Variants in ZFHX2 observed in about 807,000 individuals in gnomAD.
ZFHX2 encodes zinc finger homeobox 2.
ZFHX2 carries 75 observed loss-of-function variants against 164.8 expected under a neutral mutation model. The ratio of observed to expected loss-of-function variants is 0.46; its 90% CI spans 0.38 to 0.55. The LOEUF is 0.55. Among genes scored for constraint, ZFHX2 ranks in the 20% least tolerant of loss-of-function variants. The probability of loss-of-function intolerance (pLI) is 0.00; values close to 1 mark genes in which losing one functional copy is unlikely to be tolerated. For synonymous variants in ZFHX2, 1,217 were observed against 1,351.4 expected, an observed-to-expected ratio of 0.90 and a Z score of 2.18; for missense variants, 2,933 against 3,308.0, an observed-to-expected ratio of 0.89 and a Z score of 2.78.
chr14:23,526,756 G>A, intron 8 of ZFHX2, 77 bp from the exon 9 acceptor site: 2 of 1,531,928 alleles, frequency 1.3e-6, no homozygotes, highest in South Asian at 1.2e-5. Flanking sequence ...TACCAAGGCA[G>A]TTGACCTTGG....
rs1434970482 is a variant in ZFHX2, at chr14:23,541,299, T to C, written c.-49-5925A>G. Among the ~76,000 whole-genome samples the C allele has an allele frequency of 2.0e-5, 3 of 151,598 alleles. No individual in the cohort carries two copies. The East Asian group carries it at 5.8e-4, about 29-fold the overall frequency. On this transcript the variant is annotated intron_variant, in intron 1 of 9. Transcript: ENST00000419474. ...TTAGATGGACAGGATTTTTTTTTTTTTTTTTTGAGACGGAGTTTCGCTCTT... is the reference window on the plus strand; with the variant it reads ...TTAGATGGACAGGATTTTTTTTTTTCTTTTTTGAGACGGAGTTTCGCTCTT...
At chr14:23,548,411 T>C (rs1289901030) in intron 1 of ZFHX2, 2 of 152,140 alleles carry the variant, frequency 1.3e-5, no homozygotes, top group Non-Finnish European at 2.9e-5. Flanking sequence ...CCCTGGCCCG[T>C]AGGTGATACA....
Position 23,526,538 on chromosome 14 carries a change from G to A in ZFHX2, c.3404C>T (p.Ala1135Val), listed in dbSNP as rs1208014468. The A allele has an allele frequency of 2.0e-6, 3 of 1,535,830 alleles. No homozygotes were observed. Among genetic ancestry groups the A allele is most frequent in the East Asian group, 2.4e-5 (1 of 40,856 alleles). Residue 1135 changes from alanine to valine, a missense_variant, in exon 9 of 10, where the codon GCC becomes GTC. Ala to Val is a moderately conservative substitution (Grantham distance 64). Coordinates refer to ENST00000419474, the MANE Select transcript of ZFHX2 (RefSeq NM_033400.3). Reference sequence around the variant, plus strand: ...CGGAGGAGCTACGTCTTCAGCTTGGGCATCAGGTTCAGGGACTGGAGATGG... The same window carrying A: ...CGGAGGAGCTACGTCTTCAGCTTGGACATCAGGTTCAGGGACTGGAGATGG... ...PAPSPVPEPD[A>V]QAEDVAPPPT...
chr14:23,528,524 C>G (rs1483421160), intron 6 of ZFHX2: 1 of 874,102 alleles, frequency 1.1e-6, no homozygotes, highest in East Asian at 1.2e-4. Flanking sequence ...GTCGTGTCTT[C>G]TCTGTGAAAT....
Position 23,525,657 on chromosome 14 carries a change from C to CG in ZFHX2, c.4284dup (p.Asp1429ArgfsTer22), listed in dbSNP as rs1225882161. Reference sequence around the variant, plus strand: ...CGGGCAGCCTCGTTGGGCAATGGGTCGGGGGGTGAGGAAGGCCCTGCCTCA... The same window carrying CG: ...CGGGCAGCCTCGTTGGGCAATGGGTCGGGGGGGTGAGGAAGGCCCTGCCTCA... On this transcript the variant is annotated frameshift_variant, in exon 9 of 10. Transcript: ENST00000419474. LOFTEE classifies it high-confidence loss of function. This position sits in a 1 kb window ranked among gnomAD's most constrained non-coding sequence, Gnocchi z 5.9. 5 of 1,535,400 alleles carry CG rather than the reference C, an allele frequency of 3.3e-6. No homozygotes were observed. Among genetic ancestry groups the CG allele is most frequent in the African/African-American group, 1.4e-5 (1 of 73,124 alleles).
At position 23,546,510 on chromosome 14, in the gene ZFHX2, G is replaced by A. The variant is rs933942978; in HGVS notation, c.-50+4833C>T. 6.6e-6 allele frequency among the ~76,000 whole-genome samples: 1 copy of A among 152,104 alleles called. No homozygotes were observed. Among genetic ancestry groups the A allele is most frequent in the East Asian group, 1.9e-4 (1 of 5,178 alleles). On this transcript the variant is annotated intron_variant, in intron 1 of 9. Coordinates refer to ENST00000419474, the MANE Select transcript of ZFHX2 (RefSeq NM_033400.3). The surrounding 1 kb of genome is among the most constrained non-coding windows in gnomAD (Gnocchi z 4.7). ...CTTAACAACTGCACATGAGGACCCTGGTCTCTGGACTAGTTCCTACATGAG... is the reference window on the plus strand; with the variant it reads ...CTTAACAACTGCACATGAGGACCCTAGTCTCTGGACTAGTTCCTACATGAG...
At position 23,534,723 on chromosome 14, in the gene ZFHX2, C is replaced by G; in HGVS notation, c.603G>C (p.Glu201Asp). ...DTSAPSPAACEERHGAFWSYQ... is the reference protein window; with the variant it reads ...DTSAPSPAACDERHGAFWSYQ... ...AGCTCCAGAAAGCTCCATGCCTTTC[C>G]TCACAGGCAGCCGGAGATGGTGCTG... Residue 201 changes from glutamate (E) to aspartate (D), a missense_variant, in exon 2 of 10, where the codon GAG becomes GAC. Physicochemically the swap from Glu to Asp is conservative, Grantham distance 45. Coordinates refer to ENST00000419474, the MANE Select transcript of ZFHX2 (RefSeq NM_033400.3). The surrounding 1 kb of genome is among the most constrained non-coding windows in gnomAD (Gnocchi z 4.5). 6.5e-7 allele frequency: 1 copy of G among 1,536,176 alleles called. No homozygotes were observed. Among genetic ancestry groups the G allele is most frequent in the Non-Finnish European group, 8.7e-7 (1 of 1,146,914 alleles).
intron 6 of ZFHX2, 93 bp downstream of exon 6, chr14:23,529,617 G>T: frequency 8.0e-7 from 1 of 1,253,738 alleles, no homozygotes; most frequent in Non-Finnish European, 1.1e-6. Flanking sequence ...ATAAGTCAAA[G>T]CATGACAAAA....
Position 23,523,030 on chromosome 14 carries a change from G to T in ZFHX2, c.6740-89C>A. ...AGGCCACCTCCAGCCACACACACCC[G>T]TTCCCAGCACCGGATTTCCATGCCC... On this transcript the variant is annotated intron_variant, in intron 9 of 9. Transcript: ENST00000419474. This position sits in a 1 kb window ranked among gnomAD's most constrained non-coding sequence, Gnocchi z 4.1. 3.5e-6 allele frequency: 5 copies of T among 1,411,610 alleles called. No individual in the cohort carries two copies. The highest frequency in any genetic ancestry group is 4.6e-6 in the Non-Finnish European group (5 of 1,087,588). The allele number at this position is 1,411,610 out of a possible 1,614,324, so 87.4% of individuals were successfully genotyped here. A position where few individuals can be genotyped will look rare whatever the true frequency, so the allele number is the denominator to read the frequency against.
chr14:23,534,355 C>G lies in ZFHX2; in HGVS notation c.971G>C (p.Gly324Ala), dbSNP rs1879925618. Residue 324 changes from glycine (G) to alanine (A), a missense_variant, in exon 2 of 10, where the codon GGC becomes GCC. By Grantham distance (60) the Gly-to-Ala change is moderately conservative. Transcript: ENST00000419474. This position sits in a 1 kb window ranked among gnomAD's most constrained non-coding sequence, Gnocchi z 4.5. ...MEANVAQTED[G>A]PPEAEVQALI... The stretch of plus-strand genomic sequence containing the variant: ...GGCCTGGACTTCTGCCTCAGGGGGG[C>G]CATCCTCTGTCTGGGCCACATTCGC... 4.6e-6 allele frequency: 7 copies of G among 1,536,692 alleles called. No individual in the cohort carries two copies. Among genetic ancestry groups the G allele is most frequent in the South Asian group, 1.2e-5 (1 of 84,060 alleles).
chr14:23,546,059 G>A lies in ZFHX2; in HGVS notation c.-50+5284C>T, dbSNP rs1382930759. 6.6e-6 allele frequency among the ~76,000 whole-genome samples: 1 copy of A among 152,184 alleles called. No homozygotes were observed. The highest frequency in any genetic ancestry group is 2.4e-5 in the African/African-American group (1 of 41,448). On this transcript the variant is annotated intron_variant, in intron 1 of 9. Transcript: ENST00000419474. This position sits in a 1 kb window ranked among gnomAD's most constrained non-coding sequence, Gnocchi z 4.7. ...TTAGCTATGACTGGAGGAGGCACTAGGGAAATGTGCATACATGAAGTTAAA... is the reference window on the plus strand; with the variant it reads ...TTAGCTATGACTGGAGGAGGCACTAAGGAAATGTGCATACATGAAGTTAAA...
At chr14:23,553,520 A>AC (rs1204780044), upstream of ZFHX2, among the ~76,000 whole-genome samples, 7 of 150,538 alleles carry the variant, frequency 4.6e-5, no homozygotes, top group African/African-American at 1.7e-4. Context: ...AATCGCTTGA[A>AC]CCCGGGGGGC....
At position 23,546,918 on chromosome 14, in the gene ZFHX2, A is replaced by G. The variant is rs1595192116; in HGVS notation, c.-50+4425T>C. Among the ~76,000 whole-genome samples the G allele has an allele frequency of 6.6e-6, 1 of 152,238 alleles. No homozygotes were observed. Among genetic ancestry groups the G allele is most frequent in the East Asian group, 1.9e-4 (1 of 5,180 alleles). On this transcript the variant is annotated intron_variant, in intron 1 of 9. Transcript: ENST00000419474. This position sits in a 1 kb window ranked among gnomAD's most constrained non-coding sequence, Gnocchi z 4.7. The stretch of plus-strand genomic sequence containing the variant: ...TTTAGCTGCCCTGGCCTTGCTTATT[A>G]TAGCCAGACTGTCCTCCAGCACTCC...
At position 23,551,188 on chromosome 14, in the gene ZFHX2, C is replaced by T. The variant is rs904714590; in HGVS notation, c.-50+155G>A. On this transcript the variant is annotated intron_variant, in intron 1 of 9. Coordinates refer to ENST00000419474, the MANE Select transcript of ZFHX2 (RefSeq NM_033400.3). The surrounding 1 kb of genome is among the most constrained non-coding windows in gnomAD (Gnocchi z 5.3). ...CTGTCCGTCCGTCCTTGTCCCCTCC[C>T]CCAGCCCCTTCCCGTCCCTCTCCGT... is the stretch of plus-strand genomic sequence containing the variant. Among the ~76,000 whole-genome samples, 1 of 152,106 alleles carries T rather than the reference C, an allele frequency of 6.6e-6. No homozygotes were observed. Among genetic ancestry groups the T allele is most frequent in the African/African-American group, 2.4e-5 (1 of 41,414 alleles).
upstream of ZFHX2, chr14:23,555,593 C>T (rs1433835780): frequency 6.6e-6 from 1 of 152,228 alleles, no homozygotes; most frequent in African/African-American, 2.4e-5. Context: ...CTCTTACCCT[C>T]AACGTTCATG....
rs764323774 is a variant in ZFHX2, at chr14:23,523,945, T to C, written c.5997A>G (p.Leu1999=). Residue 1999 remains leucine, a synonymous_variant, in exon 9 of 10, where the codon CTA becomes CTG. Transcript: ENST00000419474. The surrounding 1 kb of genome is among the most constrained non-coding windows in gnomAD (Gnocchi z 4.1). The stretch of plus-strand genomic sequence containing the variant: ...CTTCCTCACTGGGTGGAGGGGGAGG[T>C]AGGAGAGGTAGAGGTGGCTCTGGTG... ...TPTPEPPLPL[L]PPPPPSEEEG... 3 of 1,535,262 alleles carry C rather than the reference T, an allele frequency of 2.0e-6. No individual in the cohort carries two copies. The highest frequency in any genetic ancestry group is 2.6e-6 in the Non-Finnish European group (3 of 1,146,562).
At chr14:23,530,037 A>G in intron 5 of ZFHX2, 83 bp downstream of exon 5, 1 of 1,335,052 alleles carries the variant, frequency 7.5e-7, no homozygotes, top group South Asian at 1.2e-5. Context: ...GAGCACAGAC[A>G]TTGCTGGGCT....
At chr14:23,552,856 C>A (rs1882079329), upstream of ZFHX2, among the ~76,000 whole-genome samples, 1 of 152,166 alleles carries the variant, frequency 6.6e-6, no homozygotes, top group South Asian at 2.1e-4. Flanking sequence ...CCGGCCTCAG[C>A]CTCCCAAAGT....
chr14:23,524,404 T>G lies in ZFHX2; in HGVS notation c.5538A>C (p.Ala1846=). 6 of 1,536,194 alleles carry G rather than the reference T, an allele frequency of 3.9e-6. No individual in the cohort carries two copies. The highest frequency in any genetic ancestry group is 5.2e-6 in the Non-Finnish European group (6 of 1,146,900). ...DGSLSPTGSE[A]GGGGEGEPPR... is the part of the protein sequence containing the mutation. ...GGGGCTCGCCCTCCCCTCCTCCCCC[T>G]GCTTCACTGCCTGTGGGAGACAAGC... Residue 1846 remains alanine (A), a synonymous_variant, in exon 9 of 10, where the codon GCA becomes GCC. Coordinates refer to ENST00000419474, the MANE Select transcript of ZFHX2 (RefSeq NM_033400.3). The surrounding 1 kb of genome is among the most constrained non-coding windows in gnomAD (Gnocchi z 5.6).
Sources: gnomAD v4.1 joint callset for allele counts (sites outside exome capture counted in the v4.1 genomes callset) on GRCh38, gnomAD v4.1.1 for gene constraint, Gnocchi (gnomAD v3.1) non-coding constraint, MANE v1.5 for transcripts, NCBI Gene and HGNC (gene_info 2026-07-23, HGNC 2026-07-21) for gene names.